The following MARCHF8 variants were observed in gnomAD, a reference collection of about 807,000 sequenced individuals.
The protein encoded by MARCHF8 is E3 ubiquitin-protein ligase MARCHF8.
A neutral mutation model predicts 51.6 loss-of-function variants in MARCHF8; 40 were observed. That is an observed-to-expected ratio of 0.77 (90% CI 0.60 to 1.01). The LOEUF (loss-of-function observed/expected upper bound fraction) is 1.01, where lower values mean the gene tolerates loss of function less well. Ranked by LOEUF, MARCHF8 falls within the 50% of genes least tolerant of loss-of-function variation. The pLI is 0.00. For missense variants in MARCHF8, 685 were observed against 708.6 expected, an observed-to-expected ratio of 0.97 and a Z score of 0.38; for synonymous variants, 263 against 280.3, an observed-to-expected ratio of 0.94 and a Z score of 0.62.
At chr10:45,462,412 A>G (rs1417408772) in intron 5 of MARCHF8, among the ~76,000 whole-genome samples, 1 of 152,234 alleles carries the variant, frequency 6.6e-6, no homozygotes, top group Non-Finnish European at 1.5e-5. Flanking sequence ...GAGAACAGCC[A>G]GTCCCCACAC....
intron 1 of MARCHF8, among the ~76,000 whole-genome samples, chr10:45,575,024 T>C (rs1474454947): frequency 6.6e-6 from 1 of 151,294 alleles, no homozygotes; most frequent in East Asian, 1.9e-4. Flanking sequence ...AATACCTCTT[T>C]AATAAAAACT....
At chr10:45,470,570 G>T (rs982520990) in intron 3 of MARCHF8, among the ~76,000 whole-genome samples, 3 of 152,276 alleles carry the variant, frequency 2.0e-5, no homozygotes, top group Admixed American at 6.5e-5. Context: ...ATGATCATAG[G>T]AGTAATAATA....
At chr10:45,530,112 T>C (rs1564504130) in intron 2 of MARCHF8, among the ~76,000 whole-genome samples, 1 of 152,206 alleles carries the variant, frequency 6.6e-6, no homozygotes, top group Non-Finnish European at 1.5e-5. Context: ...AAAGAATGAA[T>C]TCATGTTTTT....
At chr10:45,564,402 T>C (rs945368708) in intron 1 of MARCHF8, among the ~76,000 whole-genome samples, 32 of 152,098 alleles carry the variant, frequency 2.1e-4, no homozygotes, top group African/African-American at 6.0e-4. Context: ...GTCACTGAAC[T>C]GGAAAACAAA....
chr10:45,551,202 C>T (rs955438594), intron 1 of MARCHF8, among the ~76,000 whole-genome samples: 1 of 152,130 alleles, frequency 6.6e-6, no homozygotes, highest in Non-Finnish European at 1.5e-5. Flanking sequence ...CACAAGAAAA[C>T]TGTTTTAGTC....
At chr10:45,461,755 A>C (rs2132921991) in intron 5 of MARCHF8, 1 of 171,154 alleles carries the variant, frequency 5.8e-6, no homozygotes, top group East Asian at 1.6e-4. Flanking sequence ...ATGGTAAAAT[A>C]ATTAGAGGGA....
intron 3 of MARCHF8, among the ~76,000 whole-genome samples, chr10:45,469,864 CAAAAAAAAAAAAAAAAAAA>C (rs55832920): frequency 1.8e-5 from 1 of 57,028 alleles, no homozygotes; most frequent in Non-Finnish European, 2.9e-5. Flanking sequence ...GACTCCGTCT[CAAAAAAAAAAAAAAAAAAA>C]AAAAAAAAAA....
intron 2 of MARCHF8, among the ~76,000 whole-genome samples, chr10:45,531,154 G>A (rs901482649): frequency 3.9e-5 from 6 of 152,198 alleles, no homozygotes; most frequent in African/African-American, 1.4e-4. Flanking sequence ...GCCAGTCAAT[G>A]TGTATACTGG....
chr10:45,515,244 TATC>T (rs1252581517), intron 2 of MARCHF8, among the ~76,000 whole-genome samples: 1 of 152,178 alleles, frequency 6.6e-6, no homozygotes, highest in Non-Finnish European at 1.5e-5. Context: ...CCAATAATGG[TATC>T]ATCTCAACTG....
chr10:45,503,849 T>C (rs2043329062), intron 2 of MARCHF8, among the ~76,000 whole-genome samples: 1 of 152,058 alleles, frequency 6.6e-6, no homozygotes, highest in South Asian at 2.1e-4. Flanking sequence ...CATTATGCTA[T>C]GTATGTAAAA....
At chr10:45,579,343 A>C (rs1344331404) in intron 1 of MARCHF8, among the ~76,000 whole-genome samples, 1 of 151,634 alleles carries the variant, frequency 6.6e-6, no homozygotes, top group African/African-American at 2.4e-5. Flanking sequence ...AAAGCAAAAG[A>C]CATAACTAGA....
intron 1 of MARCHF8, among the ~76,000 whole-genome samples, chr10:45,570,445 T>A (rs923283465): frequency 6.6e-6 from 1 of 152,050 alleles, no homozygotes; most frequent in Non-Finnish European, 1.5e-5. Flanking sequence ...TTAAAAAAAA[T>A]AAAAATTTTA....
chr10:45,474,349 C>T (rs2133003740), intron 3 of MARCHF8, among the ~76,000 whole-genome samples: 1 of 152,246 alleles, frequency 6.6e-6, no homozygotes, highest in South Asian at 2.1e-4. Flanking sequence ...TGTGCATCGC[C>T]CCTGCCAGCC....
chr10:45,484,823 C>T (rs1453003773), intron 3 of MARCHF8, among the ~76,000 whole-genome samples: 2 of 152,164 alleles, frequency 1.3e-5, no homozygotes, highest in East Asian at 1.9e-4. Context: ...TCAAGGTAGA[C>T]ACCATACCTA....
At chr10:45,515,089 G>C (rs1388111626) in intron 2 of MARCHF8, among the ~76,000 whole-genome samples, 2 of 152,146 alleles carry the variant, frequency 1.3e-5, no homozygotes, top group Non-Finnish European at 2.9e-5. Flanking sequence ...CATCTCATTG[G>C]TATTCTTCTA....
At chr10:45,529,790 CAGATGTTGGCAAGGATGCAGATAAA>C (rs1245394814) in intron 2 of MARCHF8, among the ~76,000 whole-genome samples, 1 of 152,128 alleles carries the variant, frequency 6.6e-6, no homozygotes, top group Non-Finnish European at 1.5e-5. Context: ...AAATCAATAA[CAGATGTTGGCAAGGATGCAGATAAA>C]AGGGAATGCT....
chr10:45,469,781 C>T (rs377607778), intron 3 of MARCHF8, among the ~76,000 whole-genome samples: 8 of 132,004 alleles, frequency 6.1e-5, no homozygotes, highest in South Asian at 2.6e-4. Flanking sequence ...AGGTGAATGG[C>T]GTGAACCCGG....
Position 45,458,065 on chromosome 10 carries a change from C to T in MARCHF8, c.*174G>A, listed in dbSNP as rs1459000026. Reference sequence around the variant, plus strand: ...AGAGGCAGGACCCAGGCATGCCTGGCCCACAGGAAGGTTTTCTAGGAGACT... The same window carrying T: ...AGAGGCAGGACCCAGGCATGCCTGGTCCACAGGAAGGTTTTCTAGGAGACT... On this transcript the variant is annotated 3_prime_UTR_variant, in exon 8 of 8. Coordinates refer to ENST00000453424, the MANE Select transcript of MARCHF8 (RefSeq NM_001282866.2). 3 of 669,882 alleles carry T rather than the reference C, an allele frequency of 4.5e-6. No individual in the cohort carries two copies. The highest frequency in any genetic ancestry group is 7.2e-6 in the Non-Finnish European group (3 of 416,258). The allele number at this position is 669,882 out of a possible 1,614,324, so 41.5% of individuals were successfully genotyped here.
chr10:45,559,149 T>C (rs764829879), intron 1 of MARCHF8, among the ~76,000 whole-genome samples: 10 of 152,248 alleles, frequency 6.6e-5, no homozygotes, highest in Non-Finnish European at 1.5e-4. Flanking sequence ...AAACATACCG[T>C]AAATCTAACC....
Sources: allele counts gnomAD v4.1 joint callset (sites outside exome capture counted in the v4.1 genomes callset), GRCh38; gene constraint gnomAD v4.1.1; transcripts MANE v1.5; gene names NCBI Gene and HGNC (gene_info 2026-07-23, HGNC 2026-07-21).